Variants in ANKRD12 observed in about 807,000 individuals in gnomAD.
ANKRD12 encodes ankyrin repeat domain 12.
A neutral mutation model predicts 183.4 loss-of-function variants in ANKRD12; 85 were observed. The ratio of observed to expected loss-of-function variants is 0.46; its 90% CI spans 0.39 to 0.56. ANKRD12 has a LOEUF of 0.56. Among genes scored for constraint, ANKRD12 ranks in the 20% least tolerant of loss-of-function variants. The pLI, the probability that ANKRD12 is intolerant of heterozygous loss-of-function variation, is 0.00. For missense variants in ANKRD12, 2,405 were observed against 2,357.1 expected (o/e 1.02, Z -0.42); for synonymous variants, 914 against 800.2 (o/e 1.14, Z -2.40).
chr18:9,227,905 C>A (rs1053164364), intron 8 of ANKRD12, among the ~76,000 whole-genome samples: 7 of 152,180 alleles, frequency 4.6e-5, no homozygotes, highest in African/African-American at 1.7e-4. Context: ...GAACTTACTT[C>A]ATCTAACCCT....
rs972750069 is a variant in ANKRD12 at position 9,256,338 on chromosome 18, T to C, written c.3071T>C (p.Ile1024Thr). 4.4e-6 allele frequency: 7 copies of C among 1,593,288 alleles called. No individual in the cohort carries two copies. Among genetic ancestry groups the C allele is most frequent in the East Asian group, 2.2e-5 (1 of 44,684 alleles). ...GKEKDKKDKDIDRYKERDKHK... is the reference protein window; with the variant it reads ...GKEKDKKDKDTDRYKERDKHK... ...GAAAAAGATAAAAAAGATAAAGATATAGATAGATACAAAGAACGAGACAAA... is the reference window on the plus strand; with the variant it reads ...GAAAAAGATAAAAAAGATAAAGATACAGATAGATACAAAGAACGAGACAAA... Residue 1024 changes from isoleucine (I) to threonine (T), a missense_variant, in exon 9 of 13, where the codon ATA becomes ACA. Physicochemically the swap from Ile to Thr is moderately conservative, Grantham distance 89 (BLOSUM62 -1). This residue lies in a region of ANKRD12 where 1,983 missense variants were observed against 1,725.9 expected (regional missense o/e 1.15). Coordinates refer to ENST00000262126, the MANE Select transcript of ANKRD12 (RefSeq NM_015208.5).
At chr18:9,180,276 T>G (rs1434284528) in intron 1 of ANKRD12, among the ~76,000 whole-genome samples, 1 of 152,172 alleles carries the variant, frequency 6.6e-6, no homozygotes, top group African/African-American at 2.4e-5. Context: ...CAAGCTTGCT[T>G]TCTTTCTAAG....
chr18:9,197,220 G>A (rs72937263), intron 3 of ANKRD12, among the ~76,000 whole-genome samples: 11,261 of 152,104 alleles, frequency 0.074, 434 homozygotes, highest in African/African-American at 0.084. Context: ...AGAAATTTAG[G>A]CATTGAATAA....
At chr18:9,188,693 C>G (rs2034262347) in intron 2 of ANKRD12, among the ~76,000 whole-genome samples, 1 of 152,216 alleles carries the variant, frequency 6.6e-6, no homozygotes, top group South Asian at 2.1e-4. Flanking sequence ...TCACTTGTCT[C>G]TATGTCACAT....
intron 8 of ANKRD12, among the ~76,000 whole-genome samples, chr18:9,244,966 C>T (rs1444736806): frequency 1.3e-5 from 2 of 152,118 alleles, no homozygotes; most frequent in Non-Finnish European, 2.9e-5. Context: ...ACCCATCTCT[C>T]TGTTTTTGTG....
Position 9,204,471 on chromosome 18 carries a change from T to C in ANKRD12, c.236-5T>C, listed in dbSNP as rs1431168045. 3 of 1,594,326 alleles carry C rather than the reference T, an allele frequency of 1.9e-6. No individual in the cohort carries two copies. The South Asian group carries it at 3.4e-5, about 18-fold the overall frequency. On this transcript the variant is annotated splice_polypyrimidine_tract_variant and splice_region_variant and intron_variant, in intron 3 of 12. Transcript: ENST00000262126. ...TCTCTTCTCCTGTCTCTTCTCATTC[T>C]GTAGATTCAGATCCAGGACATACAA...
intron 1 of ANKRD12, among the ~76,000 whole-genome samples, chr18:9,161,577 G>A (rs537967919): frequency 6.7e-4 from 102 of 151,694 alleles, no homozygotes; most frequent in South Asian, 2.1e-3. Flanking sequence ...GGGTTTCACC[G>A]AGTTAGACCA....
At chr18:9,267,266 C>T (rs933450427) in intron 10 of ANKRD12, among the ~76,000 whole-genome samples, 4 of 152,078 alleles carry the variant, frequency 2.6e-5, no homozygotes, top group Non-Finnish European at 4.4e-5. Flanking sequence ...CTGCACCAAG[C>T]GGACCTCATA....
rs756359956 is a variant in ANKRD12, at chr18:9,256,419, A to C, written c.3152A>C (p.Lys1051Thr). 6.2e-7 allele frequency: 1 copy of C among 1,611,616 alleles called. No homozygotes were observed. The highest frequency in any genetic ancestry group is 8.5e-7 in the Non-Finnish European group (1 of 1,179,358). ...CTCAAACTAAAATCTGAAGCAGATA[A>C]GCCTAAACCTAAGTCATCACCAGCA... Reference protein sequence around the residue: ...SLLKLKSEADKPKPKSSPASK... With the variant: ...SLLKLKSEADTPKPKSSPASK... Residue 1051 changes from lysine (K) to threonine (T), a missense_variant, in exon 9 of 13, where the codon AAG (lysine) becomes ACG (threonine). Physicochemically the swap from Lys to Thr is moderately conservative, Grantham distance 78. Transcript: ENST00000262126.
At chr18:9,157,706 G>A (rs1039020466) in intron 1 of ANKRD12, among the ~76,000 whole-genome samples, 2 of 150,150 alleles carry the variant, frequency 1.3e-5, no homozygotes, top group African/African-American at 2.5e-5. Flanking sequence ...TGGTTCAAGC[G>A]ATTCTTTTGC....
chr18:9,210,586 G>GTCA (rs2035739697), intron 5 of ANKRD12, among the ~76,000 whole-genome samples: 1 of 151,916 alleles, frequency 6.6e-6, no homozygotes, highest in Non-Finnish European at 1.5e-5. Context: ...GCCGGGCATG[G>GTCA]TGGCACACGC....
Position 9,283,637 on chromosome 18 carries a change from T to C in ANKRD12, c.*2511T>C, listed in dbSNP as rs1028412799. The stretch of plus-strand genomic sequence containing the variant: ...TGATTCTTTTTAAACTCTTCAAATA[T>C]CATGAACAAGATACTAAATTGTACC... On this transcript the variant is annotated 3_prime_UTR_variant, in exon 13 of 13. Transcript: ENST00000262126. The C allele has an allele frequency of 6.6e-6, 1 of 152,642 alleles. No individual in the cohort carries two copies. The highest frequency in any genetic ancestry group is 6.5e-5 in the Admixed American group (1 of 15,278). 9.5% of individuals were successfully genotyped at this position (152,642 alleles called of 1,614,324 possible). A position where few individuals can be genotyped will look rare whatever the true frequency, so the allele number is the denominator to read the frequency against.
In ANKRD12 at chr18:9,258,452, A is replaced by C; in HGVS notation, c.5185A>C (p.Asn1729His). Residue 1729 changes from asparagine (N) to histidine (H), a missense_variant, in exon 9 of 13, where the codon AAC (asparagine) becomes CAC (histidine). Physicochemically the swap from Asn to His is moderately conservative, Grantham distance 68. Around this residue, in one of 7 missense-constraint regions of ANKRD12, gnomAD observed 1,983 missense variants for 1,725.9 expected, o/e 1.15. Coordinates refer to ENST00000262126, the MANE Select transcript of ANKRD12 (RefSeq NM_015208.5). The part of the protein sequence containing the change: ...EENAEDDKTE[N>H]QIPQRMTRNK... ...AAATGCCGAAGATGATAAAACTGAA[A>C]ACCAAATCCCTCAAAGAATGACTAG... is the stretch of plus-strand genomic sequence containing the variant. The C allele has an allele frequency of 6.2e-7, 1 of 1,613,824 alleles. No homozygotes were observed. The highest frequency in any genetic ancestry group is 8.5e-7 in the Non-Finnish European group (1 of 1,179,948).
At chr18:9,162,700 A>G (rs1598423877) in intron 1 of ANKRD12, among the ~76,000 whole-genome samples, 1 of 152,014 alleles carries the variant, frequency 6.6e-6, no homozygotes, top group Non-Finnish European at 1.5e-5. Flanking sequence ...TTTCTCCACA[A>G]CCTCGCCAGC....
chr18:9,222,538 C>T (rs960901131), intron 8 of ANKRD12, among the ~76,000 whole-genome samples: 1 of 149,748 alleles, frequency 6.7e-6, no homozygotes, highest in African/African-American at 2.5e-5. Context: ...TGAAGAAAGT[C>T]GTCTTTATAT....
chr18:9,230,740 C>G (rs2036993826), intron 8 of ANKRD12, among the ~76,000 whole-genome samples: 1 of 151,886 alleles, frequency 6.6e-6, no homozygotes, highest in South Asian at 2.1e-4. Context: ...CTTATTGCAA[C>G]CTTTGCCTCC....
At chr18:9,194,134 A>G (rs2034626763) in intron 2 of ANKRD12, among the ~76,000 whole-genome samples, 1 of 152,102 alleles carries the variant, frequency 6.6e-6, no homozygotes, top group Admixed American at 6.6e-5. Flanking sequence ...GGTAAATAAT[A>G]GTGGTTCTCA....
chr18:9,153,821 A>G (rs1317335181), intron 1 of ANKRD12, among the ~76,000 whole-genome samples: 2 of 151,720 alleles, frequency 1.3e-5, no homozygotes, highest in African/African-American at 2.4e-5. Flanking sequence ...GTCTTCTGGG[A>G]CTGTCTTCTC....
Position 9,282,550 on chromosome 18 carries a change from TTG to T in ANKRD12, c.*1426_*1427del, listed in dbSNP as rs1270384811. The T allele has an allele frequency of 6.6e-6, 1 of 152,568 alleles. No homozygotes were observed. The highest frequency in any genetic ancestry group is 1.5e-5 in the Non-Finnish European group (1 of 68,000). 9.5% of individuals were successfully genotyped at this position (152,568 alleles called of 1,614,324 possible). On this transcript the variant is annotated 3_prime_UTR_variant, in exon 13 of 13. Coordinates refer to ENST00000262126, the MANE Select transcript of ANKRD12 (RefSeq NM_015208.5). ...TCAGGTCTGAAATCTGCTGCTGAACTTGTTAGACATTTTTGAAAGGAAAATTA... is the reference window on the plus strand; with the variant it reads ...TCAGGTCTGAAATCTGCTGCTGAACTTTAGACATTTTTGAAAGGAAAATTA...
Sources: gnomAD v4.1 joint callset for allele counts (sites outside exome capture counted in the v4.1 genomes callset) on GRCh38, gnomAD v4.1.1 for gene constraint, gnomAD v4.1.1 regional missense constraint, MANE v1.5 for transcripts, NCBI Gene and HGNC (gene_info 2026-07-23, HGNC 2026-07-21) for gene names.